Variants in SLC25A26 observed in about 807,000 individuals in gnomAD.
The protein encoded by SLC25A26 is mitochondrial S-adenosylmethionine carrier protein.
A neutral mutation model predicts 37.8 loss-of-function variants in SLC25A26; 36 were observed. The observed-to-expected ratio is 0.95, with a 90% CI of 0.73 to 1.26. The LOEUF is 1.26. SLC25A26 is among the 50% of genes most tolerant of loss of function. SLC25A26 has a pLI of 0.00. For missense variants in SLC25A26, 390 were observed against 331.1 expected (o/e 1.18, Z -1.38); for synonymous variants, 129 against 122.5 (o/e 1.05, Z -0.35).
At position 66,375,982 on chromosome 3, in the gene SLC25A26, T is replaced by C. The variant is rs1056127076; in HGVS notation, c.708-1708T>C. Among the ~76,000 whole-genome samples the C allele has an allele frequency of 2.7e-5, 4 of 150,858 alleles. No individual in the cohort carries two copies. In the East Asian group the frequency reaches 7.8e-4, roughly 29 times the overall value. Reference sequence around the variant, plus strand: ...TTAGTGGCTTCATAGGAGGTCAAAATATTGACCATGCTGGGACTTTGGAAG... The same window carrying C: ...TTAGTGGCTTCATAGGAGGTCAAAACATTGACCATGCTGGGACTTTGGAAG... On this transcript the variant is annotated intron_variant, in intron 9 of 9. Transcript: ENST00000354883.
At chr3:66,224,658 C>T (rs1478885901) in intron 1 of SLC25A26, among the ~76,000 whole-genome samples, 1 of 152,218 alleles carries the variant, frequency 6.6e-6, no homozygotes, top group Non-Finnish European at 1.5e-5. Flanking sequence ...CATGCCTTCT[C>T]AACAGTCCCC....
intron 9 of SLC25A26, among the ~76,000 whole-genome samples, chr3:66,373,467 C>G (rs1700463548): frequency 6.6e-6 from 1 of 152,192 alleles, no homozygotes; most frequent in Non-Finnish European, 1.5e-5. Context: ...GAACAAGACA[C>G]TGGCGTTTAG....
At chr3:66,336,931 T>G (rs1316540593) in intron 5 of SLC25A26, among the ~76,000 whole-genome samples, 1 of 152,160 alleles carries the variant, frequency 6.6e-6, no homozygotes, top group Non-Finnish European at 1.5e-5. Flanking sequence ...AAACTTTATT[T>G]TTAGGTGAGG....
intron 6 of SLC25A26, among the ~76,000 whole-genome samples, chr3:66,352,413 C>G (rs535215267): frequency 1.4e-4 from 21 of 150,046 alleles, no homozygotes; most frequent in African/African-American, 5.2e-4. Flanking sequence ...TGCCTAGCGC[C>G]TCCCCTCGTT....
chr3:66,347,029 C>A (rs992018285), intron 6 of SLC25A26, among the ~76,000 whole-genome samples: 4 of 151,866 alleles, frequency 2.6e-5, no homozygotes, highest in African/African-American at 7.3e-5. Flanking sequence ...AAAAAAAAAA[C>A]AACATGTTTT....
At chr3:66,311,707 T>C (rs1040973704) in intron 5 of SLC25A26, among the ~76,000 whole-genome samples, 1 of 152,168 alleles carries the variant, frequency 6.6e-6, no homozygotes, top group African/African-American at 2.4e-5. Context: ...GTTGATGTTA[T>C]TGCTTTATGT....
At chr3:66,340,685 T>G (rs2076189822) in intron 5 of SLC25A26, among the ~76,000 whole-genome samples, 1 of 152,078 alleles carries the variant, frequency 6.6e-6, no homozygotes, top group Admixed American at 6.6e-5. Flanking sequence ...CACTCTCCTC[T>G]GTTTCATTGT....
chr3:66,157,803 T>C (rs1316554217), intron 1 of SLC25A26, among the ~76,000 whole-genome samples: 1 of 152,218 alleles, frequency 6.6e-6, no homozygotes, highest in Non-Finnish European at 1.5e-5. Flanking sequence ...AAAAAAATTT[T>C]TTTGAGACAG....
In SLC25A26 at chr3:66,243,821, A is replaced by C. The variant is rs142368443; in HGVS notation, c.300+509A>C. On this transcript the variant is annotated intron_variant, in intron 3 of 9. Transcript: ENST00000354883. ...CTGTCACTGACTTGGCTGTATCACC[A>C]TGTTGACGTTTGGCTTCCAGCTCCT... 2.5e-3 allele frequency among the ~76,000 whole-genome samples: 386 copies of C among 152,298 alleles called. 2 individuals carry two copies. The highest frequency in any genetic ancestry group is 8.5e-3 in the African/African-American group (354 of 41,574).
rs2071049575 is a variant in SLC25A26 at position 66,196,754 on chromosome 3, A to G, written c.-353-23988A>G. Among the ~76,000 whole-genome samples the G allele has an allele frequency of 3.3e-5, 5 of 152,316 alleles. No homozygotes were observed. In the South Asian group the frequency reaches 1.0e-3, roughly 32 times the overall value. On this transcript the variant is annotated intron_variant, in intron 1 of 10. Coordinates refer to the SLC25A26 transcript ENST00000676754. The stretch of plus-strand genomic sequence containing the variant: ...TAGAAACTCTTTCTGTAATTCTTAT[A>G]CCCTATATAATCAACCATCTACATT...
intron 1 of SLC25A26, among the ~76,000 whole-genome samples, chr3:66,175,092 T>A (rs1367257567): frequency 1.4e-5 from 2 of 138,148 alleles, no homozygotes; most frequent in African/African-American, 5.4e-5. Flanking sequence ...ATTATATGTA[T>A]ATGTATATGT....
intron 5 of SLC25A26, among the ~76,000 whole-genome samples, chr3:66,303,979 G>A (rs2075146110): frequency 6.6e-6 from 1 of 152,198 alleles, no homozygotes; most frequent in Admixed American, 6.5e-5. Context: ...CTTGCCATGT[G>A]GCCCCCTCCA....
At chr3:66,313,088 C>G (rs529189453) in intron 5 of SLC25A26, among the ~76,000 whole-genome samples, 4 of 152,278 alleles carry the variant, frequency 2.6e-5, no homozygotes, top group Non-Finnish European at 5.9e-5. Flanking sequence ...CCTGTTTGCT[C>G]TGATGATAGT....
At chr3:66,216,259 C>G (rs2071359484), upstream of SLC25A26, among the ~76,000 whole-genome samples, 1 of 152,098 alleles carries the variant, frequency 6.6e-6, no homozygotes. Context: ...GCAGTGGCTC[C>G]CACTTATAAT....
chr3:66,340,640 T>C (rs2076188511), intron 5 of SLC25A26, among the ~76,000 whole-genome samples: 1 of 152,098 alleles, frequency 6.6e-6, no homozygotes, highest in Non-Finnish European at 1.5e-5. Flanking sequence ...TATTCAGTTG[T>C]TTCAGTGCCA....
At chr3:66,273,538 A>C (rs2074028278) in intron 5 of SLC25A26, among the ~76,000 whole-genome samples, 1 of 152,182 alleles carries the variant, frequency 6.6e-6, no homozygotes, top group South Asian at 2.1e-4. Context: ...TTAAGCTGAT[A>C]AGCAACTTCA....
In SLC25A26 at chr3:66,150,547, A is replaced by AT. The variant is rs1559551812; in HGVS notation, c.-354+16563_-354+16564insT. 3.6e-3 allele frequency among the ~76,000 whole-genome samples: 455 copies of AT among 127,844 alleles called. 9 individuals carry two copies. Among genetic ancestry groups the AT allele is most frequent in the African/African-American group, 0.013 (432 of 34,112 alleles). The allele number at this position is 127,844 out of a possible 152,430, so 83.9% of individuals were successfully genotyped here. On this transcript the variant is annotated intron_variant, in intron 1 of 10. Transcript: ENST00000676754. Reference sequence around the variant, plus strand: ...ATGATATATATATATATATATATAAAATATATATAATGATATATATAAAAA... The same window carrying AT: ...ATGATATATATATATATATATATAAATATATATATAATGATATATATAAAAA...
At chr3:66,226,831 C>T (rs1214913543) in intron 1 of SLC25A26, among the ~76,000 whole-genome samples, 1 of 150,866 alleles carries the variant, frequency 6.6e-6, no homozygotes, top group Admixed American at 6.6e-5. Context: ...GCCACCACAC[C>T]TGGCCCACCC....
Position 66,284,212 on chromosome 3 carries a change from G to A in SLC25A26, c.453+20833G>A, listed in dbSNP as rs115898450. 4.8e-3 allele frequency among the ~76,000 whole-genome samples: 737 copies of A among 152,152 alleles called. 10 individuals are homozygous for A. The highest frequency in any genetic ancestry group is 0.017 in the African/African-American group (692 of 41,520). ...AAATTTTTAAAAAATTGCTGCCTGT[G>A]GTGGTGCACACCCATAGTCCCATTT... is the stretch of plus-strand genomic sequence containing the variant. On this transcript the variant is annotated intron_variant, in intron 5 of 9. Coordinates refer to ENST00000354883, the MANE Select transcript of SLC25A26 (RefSeq NM_001379210.1).
Sources: allele counts gnomAD v4.1 joint callset (sites outside exome capture counted in the v4.1 genomes callset), GRCh38; gene constraint gnomAD v4.1.1; transcripts MANE v1.5; gene names NCBI Gene and HGNC (gene_info 2026-07-23, HGNC 2026-07-21).